TMC1: variants seen among roughly 807,000 people sequenced by gnomAD.
TMC1 encodes the protein transmembrane channel like 1.
Under a neutral mutation model 105.8 loss-of-function variants are expected in TMC1, and 84 were observed. The observed-to-expected ratio is 0.79, with a 90% CI of 0.67 to 0.95. The LOEUF (loss-of-function observed/expected upper bound fraction) is 0.95, where lower values mean the gene tolerates loss of function less well. Ranked by LOEUF, TMC1 falls within the 40% of genes least tolerant of loss-of-function variation. TMC1 has a pLI of 0.00. For missense variants in TMC1, 817 were observed against 914.1 expected, an observed-to-expected ratio of 0.89 and a Z score of 1.37; for synonymous variants, 315 against 311.5, an observed-to-expected ratio of 1.01 and a Z score of -0.12.
intron 5 of TMC1, among the ~76,000 whole-genome samples, chr9:72,686,778 A>G (rs1228623268): frequency 1.3e-5 from 2 of 152,218 alleles, no homozygotes; most frequent in Non-Finnish European, 2.9e-5. Flanking sequence ...TTGGAAAACC[A>G]ACTCAAGAGG....
intron 1 of TMC1, among the ~76,000 whole-genome samples, chr9:72,558,209 TG>T (rs1587956019): frequency 6.6e-6 from 1 of 152,058 alleles, no homozygotes; most frequent in East Asian, 1.9e-4. Flanking sequence ...AATGAAGACA[TG>T]GGAAAATCTA....
At chr9:72,788,550 T>C in intron 14 of TMC1, 67 bp downstream of exon 14, 2 of 1,527,430 alleles carry the variant, frequency 1.3e-6, no homozygotes, top group Non-Finnish European at 1.8e-6. Flanking sequence ...GCATTCCATC[T>C]GGTCCAGTAG....
chr9:72,568,325 T>G (rs913736512), intron 1 of TMC1, among the ~76,000 whole-genome samples: 5 of 152,194 alleles, frequency 3.3e-5, no homozygotes, highest in Non-Finnish European at 7.3e-5. Flanking sequence ...TCTAAAATGT[T>G]TCTTACACTT....
chr9:72,778,206 T>C (rs542908135), intron 13 of TMC1, among the ~76,000 whole-genome samples: 1 of 152,318 alleles, frequency 6.6e-6, no homozygotes, highest in African/African-American at 2.4e-5. Context: ...AGAGCCAAGA[T>C]GGCTAACAAG....
At chr9:72,550,922 G>A (rs1292772198) in intron 1 of TMC1, among the ~76,000 whole-genome samples, 1 of 152,118 alleles carries the variant, frequency 6.6e-6, no homozygotes, top group Non-Finnish European at 1.5e-5. Context: ...TGTAATCACA[G>A]GGGTCCCTAG....
chr9:72,625,556 C>T (rs866914430), intron 3 of TMC1, among the ~76,000 whole-genome samples: 11 of 151,968 alleles, frequency 7.2e-5, no homozygotes, highest in Middle Eastern at 6.8e-3. Context: ...GGCGTGGTGG[C>T]GGGTGCCTAT....
chr9:72,626,699 A>G (rs1482246759), intron 3 of TMC1, among the ~76,000 whole-genome samples: 1 of 152,154 alleles, frequency 6.6e-6, no homozygotes. Context: ...ATTAGCACCA[A>G]TGAGCTTTCA....
intron 13 of TMC1, among the ~76,000 whole-genome samples, chr9:72,786,640 T>C (rs1160616468): frequency 1.3e-5 from 2 of 152,174 alleles, no homozygotes; most frequent in Non-Finnish European, 2.9e-5. Context: ...TACATTTTGC[T>C]CTATAGACAA....
chr9:72,806,074 G>T (rs1414309500), intron 18 of TMC1, among the ~76,000 whole-genome samples: 6 of 152,090 alleles, frequency 3.9e-5, no homozygotes, highest in Non-Finnish European at 8.8e-5. Flanking sequence ...CCTCCCAGAC[G>T]GGGTGGTGGC....
intron 2 of TMC1, among the ~76,000 whole-genome samples, chr9:72,599,378 G>A (rs1824769159): frequency 6.6e-6 from 1 of 152,138 alleles, no homozygotes; most frequent in South Asian, 2.1e-4. Flanking sequence ...CCCTGCATTA[G>A]GCAGATGTGG....
chr9:72,727,865 A>G (rs1238048011), intron 8 of TMC1, among the ~76,000 whole-genome samples: 2 of 152,134 alleles, frequency 1.3e-5, no homozygotes, highest in Non-Finnish European at 2.9e-5. Context: ...ATTCATTAAA[A>G]CAAAGGACAA....
intron 8 of TMC1, among the ~76,000 whole-genome samples, chr9:72,712,526 G>A (rs773458754): frequency 1.3e-5 from 2 of 152,218 alleles, no homozygotes; most frequent in East Asian, 3.9e-4. Context: ...TCACTTTGTA[G>A]CAATTGTGAA....
rs146235047 is a variant in TMC1, at chr9:72,536,623, C to T, written c.-428+14710C>T. Reference sequence around the variant, plus strand: ...CTGGGATTACAGACGTGAGCCACCGCGCCTGGCCAGACATTAATTCTTAAA... The same window carrying T: ...CTGGGATTACAGACGTGAGCCACCGTGCCTGGCCAGACATTAATTCTTAAA... On this transcript the variant is annotated intron_variant, in intron 1 of 23. Coordinates refer to ENST00000297784, the MANE Select transcript of TMC1 (RefSeq NM_138691.3). 5.3e-3 allele frequency among the ~76,000 whole-genome samples: 803 copies of T among 152,278 alleles called. 5 individuals carry two copies. Among genetic ancestry groups the T allele is most frequent in the African/African-American group, 0.018 (751 of 41,568 alleles).
chr9:72,726,012 A>G (rs1214156377), intron 8 of TMC1, among the ~76,000 whole-genome samples: 1 of 152,172 alleles, frequency 6.6e-6, no homozygotes, highest in Non-Finnish European at 1.5e-5. Flanking sequence ...CTCTTTTGGC[A>G]GTACCCACAC....
At chr9:72,676,952 A>ATC (rs150305271) in intron 5 of TMC1, among the ~76,000 whole-genome samples, 2,622 of 151,952 alleles carry the variant, frequency 0.017, 37 homozygotes, top group Non-Finnish European at 0.027. Flanking sequence ...AATGAACCTG[A>ATC]TCTCTCTCTC....
chr9:72,783,430 T>C (rs1017569225), intron 13 of TMC1, among the ~76,000 whole-genome samples: 40 of 152,064 alleles, frequency 2.6e-4, no homozygotes, highest in Admixed American at 7.2e-4. Context: ...AAAGGAAGCA[T>C]CTAGTACAGC....
At chr9:72,736,035 G>A (rs1016448130) in intron 8 of TMC1, among the ~76,000 whole-genome samples, 2 of 151,750 alleles carry the variant, frequency 1.3e-5, no homozygotes, top group African/African-American at 4.8e-5. Flanking sequence ...ATGAAGGAGG[G>A]GATAGAGCAT....
At chr9:72,522,526 A>G (rs1040813566) in intron 1 of TMC1, among the ~76,000 whole-genome samples, 4 of 152,226 alleles carry the variant, frequency 2.6e-5, no homozygotes, top group Admixed American at 2.6e-4. Context: ...CATGACAGTA[A>G]AGGGGGACAG....
intron 1 of TMC1, among the ~76,000 whole-genome samples, chr9:72,523,688 G>A (rs1823353491): frequency 6.6e-6 from 1 of 152,044 alleles, no homozygotes. Context: ...TGGTAGAGGT[G>A]CAGGAGGTGG....
Sources: gnomAD v4.1 joint callset for allele counts (sites outside exome capture counted in the v4.1 genomes callset) on GRCh38, gnomAD v4.1.1 for gene constraint, MANE v1.5 for transcripts, NCBI Gene and HGNC (gene_info 2026-07-23, HGNC 2026-07-21) for gene names.